The following TBC1D2B variants were observed in gnomAD, a reference collection of about 807,000 sequenced individuals.
TBC1D2B encodes TBC1 domain family member 2B.
In TBC1D2B, 64 loss-of-function variants were observed where a neutral mutation model predicts 100.8. The ratio of observed to expected loss-of-function variants is 0.64; its 90% CI spans 0.52 to 0.78. TBC1D2B has a LOEUF of 0.78. Among genes scored for constraint, TBC1D2B ranks in the 30% least tolerant of loss-of-function variants. The probability of loss-of-function intolerance (pLI) is 0.00; values close to 1 mark genes in which losing one functional copy is unlikely to be tolerated. For missense variants in TBC1D2B, 1,052 were observed against 1,218.4 expected, an observed-to-expected ratio of 0.86 and a Z score of 2.03; for synonymous variants, 480 against 479.7, an observed-to-expected ratio of 1.00 and a Z score of -0.01.
chr15:78,062,222 T>C (rs1173486438), intron 1 of TBC1D2B, among the ~76,000 whole-genome samples: 1 of 152,238 alleles, frequency 6.6e-6, no homozygotes, highest in Non-Finnish European at 1.5e-5. Flanking sequence ...AACATTTCTA[T>C]TCTCTTGGAA....
At chr15:78,074,690 G>A (rs572214605) in intron 1 of TBC1D2B, among the ~76,000 whole-genome samples, 2 of 152,142 alleles carry the variant, frequency 1.3e-5, no homozygotes, top group Non-Finnish European at 2.9e-5. Context: ...TCTTCCCCTC[G>A]CGAAAGAGCA....
At chr15:78,045,894 G>C (rs1239021357) in intron 2 of TBC1D2B, among the ~76,000 whole-genome samples, 1 of 152,006 alleles carries the variant, frequency 6.6e-6, no homozygotes, top group Non-Finnish European at 1.5e-5. Context: ...ATAATAAAAA[G>C]TTACTTAAAA....
At chr15:78,004,551 C>T (rs1417956587) in intron 10 of TBC1D2B, among the ~76,000 whole-genome samples, 1 of 152,234 alleles carries the variant, frequency 6.6e-6, no homozygotes, top group Non-Finnish European at 1.5e-5. Context: ...CATGCATCTT[C>T]AACCATCACC....
intron 1 of TBC1D2B, among the ~76,000 whole-genome samples, chr15:78,072,507 G>A (rs990848523): frequency 6.6e-6 from 1 of 152,268 alleles, no homozygotes; most frequent in Admixed American, 6.5e-5. Context: ...AAAACAATAT[G>A]ATTACCCAAG....
chr15:78,018,538 A>G (rs755151949), intron 6 of TBC1D2B, among the ~76,000 whole-genome samples: 5 of 152,264 alleles, frequency 3.3e-5, no homozygotes, highest in African/African-American at 4.8e-5. Context: ...AAAGAAAAGT[A>G]CAATGAACAC....
chr15:78,024,940 G>T (rs755193075), intron 5 of TBC1D2B, among the ~76,000 whole-genome samples: 2 of 152,222 alleles, frequency 1.3e-5, no homozygotes, highest in Non-Finnish European at 2.9e-5. Context: ...GACTGTTAAA[G>T]AACTCTGGGC....
intron 2 of TBC1D2B, among the ~76,000 whole-genome samples, chr15:78,052,751 G>A (rs2073340609): frequency 6.6e-6 from 1 of 152,182 alleles, no homozygotes; most frequent in Admixed American, 6.5e-5. Flanking sequence ...CATGAACCCT[G>A]CCTGTTCCCA....
At chr15:78,053,759 G>A in intron 2 of TBC1D2B, 1 of 342,128 alleles carries the variant, frequency 2.9e-6, no homozygotes, top group Admixed American at 4.6e-5. Flanking sequence ...CCTGCAGTCA[G>A]AACTAGACTT....
intron 12 of TBC1D2B, among the ~76,000 whole-genome samples, chr15:78,000,382 C>T (rs774854716): frequency 1.8e-4 from 27 of 152,228 alleles, no homozygotes; most frequent in Admixed American, 3.3e-4. Flanking sequence ...AGCGGCGCTC[C>T]CAACACAGCC....
rs2072415094 is a variant in TBC1D2B at position 78,017,825 on chromosome 15, G to T, written c.1581+22C>A. 3 of 1,502,410 alleles carry T rather than the reference G, an allele frequency of 2.0e-6. No individual in the cohort carries two copies. The South Asian group carries it at 3.6e-5, about 18-fold the overall frequency. 93.1% of individuals were successfully genotyped at this position (1,502,410 alleles called of 1,614,324 possible). ...TAACCTTACCTCCCACCAGGTAATA[G>T]AATCCACCTATCCTGACCCACCTTT... On this transcript the variant is annotated intron_variant, in intron 7 of 12. Transcript: ENST00000300584.
chr15:78,019,524 G>C (rs374539061), intron 6 of TBC1D2B, among the ~76,000 whole-genome samples: 1 of 151,900 alleles, frequency 6.6e-6, no homozygotes. Context: ...TTGAAATGTT[G>C]AATGTTGGAC....
intron 1 of TBC1D2B, among the ~76,000 whole-genome samples, chr15:78,072,250 G>C (rs1279717767): frequency 6.6e-6 from 1 of 152,234 alleles, no homozygotes; most frequent in Non-Finnish European, 1.5e-5. Flanking sequence ...AAATAGGATG[G>C]AGACTCCCCT....
At position 78,015,940 on chromosome 15, in the gene TBC1D2B, G is replaced by A. The variant is rs2072361969; in HGVS notation, c.1775+606C>T. 2.0e-5 allele frequency among the ~76,000 whole-genome samples: 3 copies of A among 152,318 alleles called. No individual in the cohort carries two copies. In the South Asian group the frequency reaches 6.2e-4, roughly 32 times the overall value. The stretch of plus-strand genomic sequence containing the variant: ...CAAGGCTTCACCTGGGCCTACAGGG[G>A]TGGGGCAGGAGAAGCAAGGAGACTG... On this transcript the variant is annotated intron_variant, in intron 8 of 12. Coordinates refer to ENST00000300584, the MANE Select transcript of TBC1D2B (RefSeq NM_144572.2).
At chr15:78,023,222 G>T (rs2072560464) in intron 6 of TBC1D2B, among the ~76,000 whole-genome samples, 1 of 152,176 alleles carries the variant, frequency 6.6e-6, no homozygotes, top group African/African-American at 2.4e-5. Flanking sequence ...CACATTATTT[G>T]CAAGATGAGG....
Position 78,035,572 on chromosome 15 carries a change from T to C in TBC1D2B, c.684-5402A>G, listed in dbSNP as rs114110017. 3.8e-3 allele frequency among the ~76,000 whole-genome samples: 579 copies of C among 152,276 alleles called. 6 individuals are homozygous for C. The highest frequency in any genetic ancestry group is 0.014 in the African/African-American group (566 of 41,560). On this transcript the variant is annotated intron_variant, in intron 3 of 12. Coordinates refer to ENST00000300584, the MANE Select transcript of TBC1D2B (RefSeq NM_144572.2). Reference sequence around the variant, plus strand: ...CCCTCCCTCCAGACTACAGGCCCTGTTAAGGGAAACAAAGGTGGCGGGGCA... The same window carrying C: ...CCCTCCCTCCAGACTACAGGCCCTGCTAAGGGAAACAAAGGTGGCGGGGCA...
At chr15:78,033,060 A>C (rs1462732349) in intron 3 of TBC1D2B, among the ~76,000 whole-genome samples, 1 of 152,264 alleles carries the variant, frequency 6.6e-6, no homozygotes, top group African/African-American at 2.4e-5. Flanking sequence ...GGCATATCAT[A>C]ATCAAATTGC....
intron 1 of TBC1D2B, among the ~76,000 whole-genome samples, chr15:78,072,794 A>C (rs2073761170): frequency 6.6e-6 from 1 of 152,206 alleles, no homozygotes; most frequent in Non-Finnish European, 1.5e-5. Flanking sequence ...TAAGTGCCTC[A>C]GATTCCAGTA....
At chr15:78,055,321 AT>A (rs1448657912) in intron 1 of TBC1D2B, among the ~76,000 whole-genome samples, 1 of 146,126 alleles carries the variant, frequency 6.8e-6, no homozygotes, top group Non-Finnish European at 1.5e-5. Flanking sequence ...TAAAAAAAAA[AT>A]CAACCAAGAT....
At chr15:78,069,812 T>G (rs1241302962) in intron 1 of TBC1D2B, among the ~76,000 whole-genome samples, 1 of 152,198 alleles carries the variant, frequency 6.6e-6, no homozygotes, top group Admixed American at 6.5e-5. Context: ...CCTTCTGCTA[T>G]GAGGACACCA....
Sources: allele counts gnomAD v4.1 joint callset (sites outside exome capture counted in the v4.1 genomes callset), GRCh38; gene constraint gnomAD v4.1.1; transcripts MANE v1.5; gene names NCBI Gene and HGNC (gene_info 2026-07-23, HGNC 2026-07-21).